ARID5B: variants seen among roughly 807,000 people sequenced by gnomAD.
ARID5B encodes the protein AT-rich interactive domain-containing protein 5B.
A neutral mutation model predicts 97.2 loss-of-function variants in ARID5B; 13 were observed. The observed-to-expected ratio is 0.13, with a 90% CI of 0.09 to 0.21. The LOEUF is 0.21. Ranked by LOEUF, ARID5B falls within the 10% of genes least tolerant of loss-of-function variation. ARID5B has a pLI of 1.00. For synonymous variants in ARID5B, 556 were observed against 570.3 expected (o/e 0.97, Z 0.36); for missense variants, 1,210 against 1,465.3 (o/e 0.83, Z 2.84).
chr10:61,966,719 C>T (rs900703393), intron 3 of ARID5B, among the ~76,000 whole-genome samples: 3 of 152,128 alleles, frequency 2.0e-5, no homozygotes, highest in African/African-American at 7.2e-5. Context: ...TTCAAGAGCT[C>T]CTGAAATCTT....
chr10:62,074,757 C>G (rs770197666), intron 8 of ARID5B, among the ~76,000 whole-genome samples: 1 of 152,114 alleles, frequency 6.6e-6, no homozygotes, highest in Non-Finnish European at 1.5e-5. Context: ...TTAAGAGGAC[C>G]CCTAGCAACT....
intron 2 of ARID5B, among the ~76,000 whole-genome samples, chr10:61,907,034 A>G (rs886938559): frequency 8.5e-5 from 13 of 152,342 alleles, no homozygotes; most frequent in African/African-American, 2.6e-4. Context: ...TGAAACCACT[A>G]CCATGGAGCT....
intron 2 of ARID5B, among the ~76,000 whole-genome samples, chr10:61,903,514 G>A (rs1372944138): frequency 6.6e-6 from 1 of 152,256 alleles, no homozygotes; most frequent in Non-Finnish European, 1.5e-5. Flanking sequence ...GGCGCAGCGG[G>A]GAGGGAGGGC....
At chr10:62,005,669 G>T (rs577379524) in intron 4 of ARID5B, among the ~76,000 whole-genome samples, 73 of 152,218 alleles carry the variant, frequency 4.8e-4, no homozygotes, top group Admixed American at 9.2e-4. Context: ...AAAGAAAAGG[G>T]GGAGAACAGA....
chr10:62,022,166 A>G (rs1268185537), intron 4 of ARID5B, among the ~76,000 whole-genome samples: 1 of 152,178 alleles, frequency 6.6e-6, no homozygotes. Context: ...GATAAACTCT[A>G]ACGTCCTCCA....
chr10:62,017,205 G>A (rs1839294986), intron 4 of ARID5B, among the ~76,000 whole-genome samples: 4 of 152,106 alleles, frequency 2.6e-5, no homozygotes, highest in Non-Finnish European at 4.4e-5. Flanking sequence ...AATAAGCCAT[G>A]ACTTTGGGAG....
rs192641958 is a variant in ARID5B at position 61,993,190 on chromosome 10, A to G, written c.503-6901A>G. On this transcript the variant is annotated intron_variant, in intron 3 of 9. Coordinates refer to ENST00000279873, the MANE Select transcript of ARID5B (RefSeq NM_032199.3). ...TCTTCCCTGACTCCAACTCTTCAAC[A>G]TCAGTTTAACTGCAAATGTGTTTTC... Among the ~76,000 whole-genome samples, 55 of 152,090 alleles carry G rather than the reference A, an allele frequency of 3.6e-4. No homozygotes were observed. The East Asian group carries it at 9.8e-3, about 27-fold the overall frequency.
intron 3 of ARID5B, among the ~76,000 whole-genome samples, chr10:61,997,922 T>TA (rs1403212381): frequency 1.3e-5 from 2 of 152,196 alleles, no homozygotes; most frequent in African/African-American, 4.8e-5. Context: ...TGGTCTGCTG[T>TA]AAAAATCTCA....
intron 5 of ARID5B, among the ~76,000 whole-genome samples, chr10:62,053,160 C>G (rs1363970226): frequency 3.3e-5 from 5 of 152,190 alleles, no homozygotes; most frequent in Non-Finnish European, 4.4e-5. Context: ...CTGTGACCAT[C>G]TAATCATCTG....
intron 4 of ARID5B, among the ~76,000 whole-genome samples, chr10:62,001,630 G>T (rs553377371): frequency 2.8e-4 from 43 of 152,276 alleles, no homozygotes; most frequent in African/African-American, 9.9e-4. Flanking sequence ...GAGTTGGGGT[G>T]AGGATGAGGA....
At chr10:62,052,651 C>T (rs1257309268) in intron 5 of ARID5B, among the ~76,000 whole-genome samples, 10 of 152,208 alleles carry the variant, frequency 6.6e-5, no homozygotes. Context: ...TCAGAACTCA[C>T]TGTTGGGTTC....
At chr10:61,969,443 A>G (rs907544668) in intron 3 of ARID5B, among the ~76,000 whole-genome samples, 4 of 152,200 alleles carry the variant, frequency 2.6e-5, no homozygotes, top group Admixed American at 2.0e-4. Flanking sequence ...AGTCATGGTA[A>G]TAAGTGTCTA....
chr10:61,950,654 A>G (rs2132810865), intron 3 of ARID5B, among the ~76,000 whole-genome samples: 1 of 152,322 alleles, frequency 6.6e-6, no homozygotes, highest in South Asian at 2.1e-4. Context: ...TGGGCAACCC[A>G]CACTGCATTC....
At chr10:62,037,060 AT>A (rs1202916989) in intron 4 of ARID5B, among the ~76,000 whole-genome samples, 1 of 152,174 alleles carries the variant, frequency 6.6e-6, no homozygotes, top group African/African-American at 2.4e-5. Context: ...CCGGCTCCAT[AT>A]TTTAAGAAGC....
chr10:61,976,838 G>C (rs981363287), intron 3 of ARID5B, among the ~76,000 whole-genome samples: 6 of 148,132 alleles, frequency 4.1e-5, no homozygotes, highest in Admixed American at 1.3e-4. Flanking sequence ...ATTTGTGTTT[G>C]TGGGAGAGAA....
chr10:62,068,380 A>G (rs1231684508), intron 7 of ARID5B, among the ~76,000 whole-genome samples: 1 of 152,060 alleles, frequency 6.6e-6, no homozygotes, highest in Non-Finnish European at 1.5e-5. Flanking sequence ...TCGAGGTCCT[A>G]TTTGGGCCTG....
Position 62,092,430 on chromosome 10 carries a change from G to A in ARID5B, c.2967G>A (p.Met989Ile). The A allele has an allele frequency of 1.2e-6, 2 of 1,614,226 alleles. No individual in the cohort carries two copies. Among genetic ancestry groups the A allele is most frequent in the South Asian group, 2.2e-5 (2 of 91,088 alleles). Residue 989 changes from methionine (M) to isoleucine (I), a missense_variant, in exon 10 of 10, where the codon ATG (methionine) becomes ATA (isoleucine). Met to Ile is a conservative substitution (Grantham distance 10). Coordinates refer to ENST00000279873, the MANE Select transcript of ARID5B (RefSeq NM_032199.3). The part of the protein sequence containing the change: ...HHVRLENFRK[M>I]EGMVHPILHR... ...TGAGACTGGAGAATTTCAGGAAGATGGAAGGCATGGTCCACCCAATCCTGC... is the reference window on the plus strand; with the variant it reads ...TGAGACTGGAGAATTTCAGGAAGATAGAAGGCATGGTCCACCCAATCCTGC...
chr10:61,999,787 T>C (rs183387651), intron 3 of ARID5B, among the ~76,000 whole-genome samples: 664 of 152,280 alleles, frequency 4.4e-3, no homozygotes, highest in Middle Eastern at 0.027. Flanking sequence ...TGAAGATTCT[T>C]TCAAAACAGT....
rs755912811 is a variant in ARID5B at position 62,091,344 on chromosome 10, C to T, written c.1881C>T (p.Thr627=). ...TGGCAGATTACATTGCCAACTGCACCGTGAAGGTGGACCAGCTGGGCAGTG... is the reference window on the plus strand; with the variant it reads ...TGGCAGATTACATTGCCAACTGCACTGTGAAGGTGGACCAGCTGGGCAGTG... ...PAMADYIANC[T]VKVDQLGSDD... Residue 627 remains threonine (T), a synonymous_variant, in exon 10 of 10, where the codon ACC becomes ACT. Transcript: ENST00000279873. 4.0e-5 allele frequency: 64 copies of T among 1,614,054 alleles called. No individual in the cohort carries two copies. The highest frequency in any genetic ancestry group is 3.0e-4 in the Admixed American group (18 of 60,006).
Sources: gnomAD v4.1 joint callset for allele counts (sites outside exome capture counted in the v4.1 genomes callset) on GRCh38, gnomAD v4.1.1 for gene constraint, MANE v1.5 for transcripts, NCBI Gene and HGNC (gene_info 2026-07-23, HGNC 2026-07-21) for gene names.